CACNA1D: variants seen among roughly 807,000 people sequenced by gnomAD.
The protein encoded by CACNA1D is calcium voltage-gated channel subunit alpha1 D.
CACNA1D carries 55 observed loss-of-function variants against 257.1 expected under a neutral mutation model. The observed-to-expected ratio is 0.21, with a 90% CI of 0.17 to 0.27. The LOEUF is 0.27. CACNA1D is among the 10% of genes least tolerant of loss of function. The probability of loss-of-function intolerance (pLI) is 1.00; values close to 1 mark genes in which losing one functional copy is unlikely to be tolerated. For missense variants in CACNA1D, 1,876 were observed against 2,784.0 expected (o/e 0.67, Z 7.34); for synonymous variants, 980 against 1,014.9 (o/e 0.97, Z 0.65).
rs546114419 is a variant in CACNA1D, at chr3:53,730,619, C to G, written c.2336+63C>G. The G allele has an allele frequency of 3.0e-5, 37 of 1,223,184 alleles. No individual in the cohort carries two copies. In the South Asian group the frequency reaches 4.5e-4, roughly 15 times the overall value. The allele number at this position is 1,223,184 out of a possible 1,614,324, so 75.8% of individuals were successfully genotyped here. On this transcript the variant is annotated intron_variant, in intron 16 of 47. Transcript: ENST00000350061. ...TGTGTTGGGAGCCCTGCAACAGTTG[C>G]AGCCTGCCAGGCTTACCCCCGCATC...
chr3:53,648,829 A>ACACAC lies in CACNA1D; in HGVS notation c.484-1950_484-1949insCACAC, dbSNP rs2094052865. ...CACACTGATGCTGGCTAACTCTCAA[A>ACACAC]ACACACACACACACACACACACACA... is the stretch of plus-strand genomic sequence containing the variant. On this transcript the variant is annotated intron_variant, in intron 3 of 47. Coordinates refer to ENST00000350061, the MANE Select transcript of CACNA1D (RefSeq NM_001128840.3). 1.6e-3 allele frequency among the ~76,000 whole-genome samples: 232 copies of ACACAC among 146,856 alleles called. 3 individuals carry two copies. Among genetic ancestry groups the ACACAC allele is most frequent in the African/African-American group, 5.7e-3 (228 of 40,096 alleles).
In CACNA1D at chr3:53,497,210, G is replaced by A. The variant is rs1319849343; in HGVS notation, c.126G>A (p.Gln42=). The A allele has an allele frequency of 2.5e-6, 4 of 1,614,150 alleles. No individual in the cohort carries two copies. The highest frequency in any genetic ancestry group is 3.4e-6 in the Non-Finnish European group (4 of 1,180,028). The part of the protein sequence containing the change: ...LPLSGEGPTS[Q]PNSSKQTVLS... ...TTTCTGGTGAAGGACCAACTTCTCA[G>A]CCGAATAGCTCCAAGCAAACTGTCC... Residue 42 remains glutamine (Q), a synonymous_variant, in exon 2 of 48, where the codon CAG becomes CAA. Transcript: ENST00000350061.
Position 53,694,624 on chromosome 3 carries a change from C to T in CACNA1D, c.1221-8017C>T, listed in dbSNP as rs142845737. Among the ~76,000 whole-genome samples, 222 of 152,302 alleles carry T rather than the reference C, an allele frequency of 1.5e-3. 4 individuals carry two copies. In the East Asian group the frequency reaches 0.041, roughly 28 times the overall value. On this transcript the variant is annotated intron_variant, in intron 8 of 47. Coordinates refer to ENST00000350061, the MANE Select transcript of CACNA1D (RefSeq NM_001128840.3). The stretch of plus-strand genomic sequence containing the variant: ...TGTGAAAATCCTCCTCCTGCCTCTT[C>T]CACTGAGGTTGTGAGCAGCCCAGGG...
intron 4 of CACNA1D, among the ~76,000 whole-genome samples, chr3:53,657,148 C>T (rs537674002): frequency 5.9e-5 from 9 of 152,232 alleles, no homozygotes; most frequent in East Asian, 3.9e-4. Context: ...TATCCCTCAA[C>T]GGGCGAATGG....
intron 15 of CACNA1D, among the ~76,000 whole-genome samples, chr3:53,729,583 AT>A (rs1449087270): frequency 8.5e-5 from 13 of 152,322 alleles, no homozygotes; most frequent in African/African-American, 2.9e-4. Context: ...GCATCTTCTG[AT>A]TTAGGAGTCT....
intron 3 of CACNA1D, among the ~76,000 whole-genome samples, chr3:53,510,670 T>A (rs892108592): frequency 1.7e-4 from 26 of 152,228 alleles, no homozygotes; most frequent in African/African-American, 6.0e-4. Flanking sequence ...CTCTTTTACC[T>A]CACACCACAT....
Position 53,808,167 on chromosome 3 carries a change from C to T in CACNA1D, c.5750-482C>T, listed in dbSNP as rs2095576672. 1.6e-5 allele frequency: 3 copies of T among 186,838 alleles called. No homozygotes were observed. In the South Asian group the frequency reaches 3.3e-4, roughly 20 times the overall value. The allele number at this position is 186,838 out of a possible 1,614,324, so 11.6% of individuals were successfully genotyped here. The stretch of plus-strand genomic sequence containing the variant: ...GGCGAACGTTTAAAAGTAGTAAGTT[C>T]TCTTTGGGAGGCTGAGGCGGGTGGA... On this transcript the variant is annotated intron_variant, in intron 45 of 47. Coordinates refer to ENST00000350061, the MANE Select transcript of CACNA1D (RefSeq NM_001128840.3).
At chr3:53,796,663 TAATC>T (rs1175186099) in intron 40 of CACNA1D, among the ~76,000 whole-genome samples, 14 of 152,342 alleles carry the variant, frequency 9.2e-5, no homozygotes, top group African/African-American at 3.1e-4. Flanking sequence ...TTTGGTAACT[TAATC>T]ATTCAATAGA....
At chr3:53,739,383 G>C (rs2095092087) in intron 20 of CACNA1D, among the ~76,000 whole-genome samples, 3 of 152,236 alleles carry the variant, frequency 2.0e-5, no homozygotes, top group Admixed American at 2.0e-4. Context: ...CGCCTTTGCA[G>C]ATAAGGGTGC....
chr3:53,642,807 C>T (rs925341256), intron 3 of CACNA1D, among the ~76,000 whole-genome samples: 4 of 152,200 alleles, frequency 2.6e-5, no homozygotes, highest in Non-Finnish European at 4.4e-5. Context: ...ACTGAACTGT[C>T]GTGGGATCTC....
intron 3 of CACNA1D, among the ~76,000 whole-genome samples, chr3:53,617,915 A>G (rs1264861465): frequency 2.0e-5 from 3 of 152,160 alleles, no homozygotes; most frequent in Non-Finnish European, 4.4e-5. Flanking sequence ...TCACTTGTCT[A>G]TCATTTCCAC....
chr3:53,805,986 T>TCCCTCCCTCATCTTCCCTCCTCCA (rs2095562802), intron 45 of CACNA1D, among the ~76,000 whole-genome samples: 1 of 84,608 alleles, frequency 1.2e-5, no homozygotes, highest in Non-Finnish European at 2.3e-5. Flanking sequence ...TCCCTCCTCC[T>TCCCTCCCTCATCTTCCCTCCTCCA]CCGTTCCTCC....
At position 53,740,313 on chromosome 3, in the gene CACNA1D, A is replaced by G. The variant is rs778931143; in HGVS notation, c.2785A>G (p.Ile929Val). The change falls in exon 21 of 48, where the codon ATC (isoleucine) becomes GTC (valine). Residue 929 changes from isoleucine (I) to valine (V), a missense_variant. By Grantham distance (29) the Ile-to-Val change is conservative. Coordinates refer to ENST00000350061, the MANE Select transcript of CACNA1D (RefSeq NM_001128840.3). ...LGYFDYAFTA[I>V]FTVEILLKMT... ...TTACTTTGACTATGCCTTCACAGCCATCTTTACTGTTGAGATCCTGTTGAA... is the reference window on the plus strand; with the variant it reads ...TTACTTTGACTATGCCTTCACAGCCGTCTTTACTGTTGAGATCCTGTTGAA... The G allele has an allele frequency of 9.3e-6, 15 of 1,612,194 alleles. No homozygotes were observed. The highest frequency in any genetic ancestry group is 1.3e-5 in the Non-Finnish European group (15 of 1,178,336).
chr3:53,641,402 C>T (rs1385519994), intron 3 of CACNA1D, among the ~76,000 whole-genome samples: 1 of 152,152 alleles, frequency 6.6e-6, no homozygotes, highest in Non-Finnish European at 1.5e-5. Context: ...TATATATTAT[C>T]TGCCATCCTC....
In CACNA1D at chr3:53,732,818, G is replaced by GGGAAGA. The variant is rs28969543; in HGVS notation, c.2493_2498dup (p.Glu833_Glu834dup). 3 of 1,612,584 alleles carry GGGAAGA rather than the reference G, an allele frequency of 1.9e-6. No individual in the cohort carries two copies. The highest frequency in any genetic ancestry group is 2.2e-5 in the East Asian group (1 of 44,878). ...AAAAAAAGTATTTCATTTAAAGTAG[G>GGGAAGA]GGAAGAGGAAGAGGAAGAGGAGGAG... On this transcript the variant is annotated inframe_insertion, in exon 19 of 48. Coordinates refer to ENST00000350061, the MANE Select transcript of CACNA1D (RefSeq NM_001128840.3).
chr3:53,759,361 T>C (rs2095286400), intron 29 of CACNA1D, among the ~76,000 whole-genome samples: 1 of 152,172 alleles, frequency 6.6e-6, no homozygotes, highest in African/African-American at 2.4e-5. Flanking sequence ...AGGAATAAAA[T>C]CTCAAAGTCA....
At chr3:53,575,711 G>T (rs1575937993) in intron 3 of CACNA1D, among the ~76,000 whole-genome samples, 1 of 115,216 alleles carries the variant, frequency 8.7e-6, no homozygotes, top group South Asian at 2.6e-4. Flanking sequence ...TACACCAATT[G>T]GTTTAATGTA....
At chr3:53,572,246 G>A (rs796779823) in intron 3 of CACNA1D, among the ~76,000 whole-genome samples, 8 of 152,318 alleles carry the variant, frequency 5.3e-5, no homozygotes, top group African/African-American at 1.7e-4. Flanking sequence ...AGTGGATGGT[G>A]TCAAGTCCAC....
rs1231748744 is a variant in CACNA1D, at chr3:53,635,839, G to A, written c.484-14940G>A. ...TCTTCTCCAGATAGTCGTAGAGATC[G>A]CTGCCTCCCAAAATAGCCCCATTTG... On this transcript the variant is annotated intron_variant, in intron 3 of 47. Coordinates refer to ENST00000350061, the MANE Select transcript of CACNA1D (RefSeq NM_001128840.3). 6.6e-5 allele frequency among the ~76,000 whole-genome samples: 10 copies of A among 152,216 alleles called. No homozygotes were observed. In the East Asian group the frequency reaches 1.9e-3, roughly 29 times the overall value.
Sources: allele counts gnomAD v4.1 joint callset (sites outside exome capture counted in the v4.1 genomes callset), GRCh38; gene constraint gnomAD v4.1.1; transcripts MANE v1.5; gene names NCBI Gene and HGNC (gene_info 2026-07-23, HGNC 2026-07-21).